The following CCDC62 variants were observed in gnomAD, a reference collection of about 807,000 sequenced individuals.
CCDC62 encodes the protein coiled-coil domain containing 62.
A neutral mutation model predicts 80.8 loss-of-function variants in CCDC62; 72 were observed. The observed-to-expected ratio is 0.89, with a 90% CI of 0.74 to 1.08. CCDC62 has a LOEUF of 1.08. Among genes scored for constraint, CCDC62 ranks in the 50% least tolerant of loss-of-function variants. The probability of loss-of-function intolerance (pLI) is 0.00; values close to 1 mark genes in which losing one functional copy is unlikely to be tolerated. For synonymous variants in CCDC62, 286 were observed against 296.5 expected (o/e 0.96, Z 0.36); for missense variants, 704 against 809.4 (o/e 0.87, Z 1.58).
At chr12:122,810,904 G>A (rs1323403042) in intron 10 of CCDC62, among the ~76,000 whole-genome samples, 3 of 151,756 alleles carry the variant, frequency 2.0e-5, no homozygotes, top group Non-Finnish European at 4.4e-5. Flanking sequence ...ATCATTCTCA[G>A]CAAACTATCA....
intron 10 of CCDC62, among the ~76,000 whole-genome samples, chr12:122,812,585 C>CAA (rs36006450): frequency 1.2e-4 from 5 of 41,444 alleles, no homozygotes; most frequent in Admixed American, 4.0e-4. Flanking sequence ...CTAAAAAATA[C>CAA]AAAAAAAAAT....
intron 7 of CCDC62, 92 bp downstream of exon 7, chr12:122,797,487 A>T: frequency 1.4e-6 from 1 of 700,604 alleles, no homozygotes; most frequent in East Asian, 2.7e-5. Context: ...ATTTTGTTTA[A>T]TTGGTGATTT....
intron 11 of CCDC62, among the ~76,000 whole-genome samples, chr12:122,818,603 T>C (rs1397788300): frequency 2.0e-5 from 3 of 151,656 alleles, no homozygotes; most frequent in African/African-American, 7.3e-5. Context: ...GCTTGGGCCA[T>C]AGAGTGGGAC....
At position 122,813,540 on chromosome 12, in the gene CCDC62, G is replaced by A. The variant is rs1425555335; in HGVS notation, c.2001+121G>A. The A allele has an allele frequency of 3.6e-6, 3 of 839,994 alleles. No homozygotes were observed. In the Admixed American group the frequency reaches 9.4e-5, roughly 26 times the overall value. 52.0% of individuals were successfully genotyped at this position (839,994 alleles called of 1,614,324 possible). On this transcript the variant is annotated intron_variant, in intron 11 of 12. Transcript: ENST00000253079. Reference sequence around the variant, plus strand: ...TAGAGGGAGAGTTTCTGTGTCTCTAGGGAGGAAAGGGAACATGCTTGTTTT... The same window carrying A: ...TAGAGGGAGAGTTTCTGTGTCTCTAAGGAGGAAAGGGAACATGCTTGTTTT...
At chr12:122,800,718 C>T (rs961270390) in intron 8 of CCDC62, among the ~76,000 whole-genome samples, 3 of 152,062 alleles carry the variant, frequency 2.0e-5, no homozygotes, top group Admixed American at 1.3e-4. Flanking sequence ...TGAGCCACTG[C>T]ACCCGGCCTC....
intron 12 of CCDC62, among the ~76,000 whole-genome samples, chr12:122,824,769 A>G (rs1485272516): frequency 6.6e-6 from 1 of 152,192 alleles, no homozygotes; most frequent in East Asian, 1.9e-4. Context: ...GATGCCCATC[A>G]ATCAACTAAT....
At chr12:122,791,904 A>G (rs1038866227) in intron 5 of CCDC62, 116 bp from the exon 6 acceptor site, 2 of 717,380 alleles carry the variant, frequency 2.8e-6, no homozygotes, top group Admixed American at 4.5e-5. Context: ...GATTTTGTCT[A>G]TAGATCCATC....
At chr12:122,802,233 C>T (rs7294991) in intron 9 of CCDC62, among the ~76,000 whole-genome samples, 121,801 of 151,890 alleles carry the variant, frequency 0.8, 49,877 homozygotes, top group Middle Eastern at 0.91. Context: ...TGAACTGACA[C>T]GCTGACCATT....
In CCDC62 at chr12:122,781,350, A is replaced by G. The variant is rs746449167; in HGVS notation, c.396+20A>G. Reference sequence around the variant, plus strand: ...CTTGAGGTTGGGATTAGTTTTTGATAAGCTTCACTAGTCCAAATTCCCTTT... The same window carrying G: ...CTTGAGGTTGGGATTAGTTTTTGATGAGCTTCACTAGTCCAAATTCCCTTT... On this transcript the variant is annotated intron_variant, in intron 3 of 12. Transcript: ENST00000253079. 2 of 1,604,492 alleles carry G rather than the reference A, an allele frequency of 1.2e-6. No homozygotes were observed. The highest frequency in any genetic ancestry group is 1.7e-6 in the Non-Finnish European group (2 of 1,174,336).
intron 5 of CCDC62, among the ~76,000 whole-genome samples, chr12:122,791,594 G>T (rs2030609019): frequency 6.6e-6 from 1 of 151,424 alleles, no homozygotes; most frequent in Non-Finnish European, 1.5e-5. Flanking sequence ...GATTGCAGGT[G>T]TGTGCCACCA....
intron 10 of CCDC62, among the ~76,000 whole-genome samples, chr12:122,809,700 C>T (rs1488468422): frequency 6.6e-6 from 1 of 152,188 alleles, no homozygotes; most frequent in African/African-American, 2.4e-5. Context: ...AAAAAGAGCT[C>T]GCATTGTCAA....
chr12:122,800,799 A>T (rs1040957675), intron 8 of CCDC62, among the ~76,000 whole-genome samples: 1 of 152,230 alleles, frequency 6.6e-6, no homozygotes, highest in Non-Finnish European at 1.5e-5. Context: ...TTCCTAAGAT[A>T]TCAGAATGAT....
chr12:122,819,173 C>T (rs1029385206), intron 11 of CCDC62, among the ~76,000 whole-genome samples: 2 of 152,178 alleles, frequency 1.3e-5, no homozygotes, highest in Non-Finnish European at 2.9e-5. Context: ...TGGCAACACG[C>T]TTTACAAACT....
At position 122,817,033 on chromosome 12, in the gene CCDC62, A is replaced by G. The variant is rs533518835; in HGVS notation, c.2001+3614A>G. 1.1e-3 allele frequency among the ~76,000 whole-genome samples: 146 copies of G among 137,066 alleles called. 1 individual carries two copies. The highest frequency in any genetic ancestry group is 1.7e-3 in the Non-Finnish European group (111 of 66,508). 89.9% of individuals were successfully genotyped at this position (137,066 alleles called of 152,430 possible). A position where few individuals can be genotyped will look rare whatever the true frequency, so the allele number is the denominator to read the frequency against. ...AAAGATTACATGCCAGTTTATTTTT[A>G]TTTTTAAATTTTATTTATTTATTTA... On this transcript the variant is annotated intron_variant, in intron 11 of 12. Transcript: ENST00000253079.
At chr12:122,826,088 T>G (rs2135603749) in intron 12 of CCDC62, among the ~76,000 whole-genome samples, 1 of 152,144 alleles carries the variant, frequency 6.6e-6, no homozygotes, top group East Asian at 1.9e-4. Flanking sequence ...TGTTTACTTC[T>G]ATCAAACCTG....
intron 3 of CCDC62, 133 bp from the exon 4 acceptor site, chr12:122,785,586 C>A: frequency 1.5e-6 from 1 of 680,150 alleles, no homozygotes; most frequent in South Asian, 1.8e-5. Context: ...ACTCCATTAC[C>A]AACTCTTTTT....
intron 9 of CCDC62, among the ~76,000 whole-genome samples, chr12:122,804,347 C>T (rs551632804): frequency 6.6e-6 from 1 of 152,098 alleles, no homozygotes; most frequent in Non-Finnish European, 1.5e-5. Flanking sequence ...ATGAGCCGGA[C>T]GTGGTGGCAC....
At chr12:122,814,432 G>GAGTGAAT (rs71085858) in intron 11 of CCDC62, among the ~76,000 whole-genome samples, 127,757 of 151,548 alleles carry the variant, frequency 0.84, 55,094 homozygotes, top group East Asian at 0.99. Context: ...AAGCATTTTA[G>GAGTGAAT]CTCAGCATCA....
At chr12:122,780,628 ATAAAATAAAAT>A (rs1346066162) in intron 2 of CCDC62, among the ~76,000 whole-genome samples, 19 of 142,922 alleles carry the variant, frequency 1.3e-4, no homozygotes, top group Admixed American at 8.1e-4. Context: ...ATAAAATAAA[ATAAAATAAAAT>A]AAAATAAAAT....
Sources: allele counts gnomAD v4.1 joint callset (sites outside exome capture counted in the v4.1 genomes callset), GRCh38; gene constraint gnomAD v4.1.1; transcripts MANE v1.5; gene names NCBI Gene and HGNC (gene_info 2026-07-23, HGNC 2026-07-21).